Variants in ZNF223 observed in about 807,000 individuals in gnomAD.
ZNF223 encodes the protein Homo sapiens zinc finger protein 223.
ZNF223 carries 9 observed loss-of-function variants against 12.3 expected under a neutral mutation model. That is an observed-to-expected ratio of 0.73 (90% confidence interval 0.44 to 1.28). ZNF223 has a LOEUF of 1.28. ZNF223 is among the 50% of genes most tolerant of loss of function. ZNF223 has a pLI of 0.00. For missense variants in ZNF223, 506 were observed against 579.0 expected (o/e 0.87, Z 1.29); for synonymous variants, 171 against 195.2 (o/e 0.88, Z 1.03).
At chr19:44,054,002 A>G (rs1976733658) in intron 1 of ZNF223, among the ~76,000 whole-genome samples, 3 of 152,166 alleles carry the variant, frequency 2.0e-5, no homozygotes, top group Admixed American at 2.0e-4. Flanking sequence ...TCAAGGCAGA[A>G]GAATTTTTCT....
Position 44,060,550 on chromosome 19 carries a change from G to A in ZNF223, c.111G>A (p.Met37Ile). Residue 37 changes from methionine to isoleucine, a missense_variant, in exon 3 of 5, where the codon ATG becomes ATA. By Grantham distance (10) the Met-to-Ile change is conservative (BLOSUM62 1). Transcript: ENST00000434772. ...AGAGGAAGCTGTATCGAGATGTGAT[G>A]CTGGAGAACTTCAGGAACCTGCTGT... The part of the protein sequence containing the change: ...LAQRKLYRDV[M>I]LENFRNLLSV... The A allele has an allele frequency of 6.2e-7, 1 of 1,614,136 alleles. No homozygotes were observed. The highest frequency in any genetic ancestry group is 1.1e-5 in the South Asian group (1 of 91,084).
At chr19:44,062,088 A>G (rs1031032660) in intron 4 of ZNF223, among the ~76,000 whole-genome samples, 1 of 152,218 alleles carries the variant, frequency 6.6e-6, no homozygotes, top group Non-Finnish European at 1.5e-5. Flanking sequence ...AATATTTGGT[A>G]TCCTGATGAA....
chr19:44,060,967 C>T, intron 4 of ZNF223, 126 bp downstream of exon 4: 2 of 973,298 alleles, frequency 2.1e-6, no homozygotes, highest in East Asian at 2.5e-5. Context: ...AACCTCCTTC[C>T]AGCTAGTGGC....
At position 44,055,839 on chromosome 19, in the gene ZNF223, C is replaced by T. The variant is rs541243415; in HGVS notation, c.15+648C>T. Among the ~76,000 whole-genome samples the T allele has an allele frequency of 2.6e-5, 4 of 152,272 alleles. No individual in the cohort carries two copies. In the East Asian group the frequency reaches 5.8e-4, roughly 22 times the overall value. On this transcript the variant is annotated intron_variant, in intron 2 of 4. Coordinates refer to ENST00000434772, the MANE Select transcript of ZNF223 (RefSeq NM_013361.6). ...GGCCAGTCACTTGTGTACTGTCACT[C>T]ATTTACTTCTCAAAGCAGCAGAATG...
chr19:44,061,732 T>C (rs1447759725), intron 4 of ZNF223, among the ~76,000 whole-genome samples: 1 of 152,244 alleles, frequency 6.6e-6, no homozygotes, highest in East Asian at 1.9e-4. Flanking sequence ...TGGACATCTT[T>C]CAGGAACAAT....
At position 44,066,586 on chromosome 19, in the gene ZNF223, T is replaced by G. The variant is rs1278362361; in HGVS notation, c.758T>G (p.Leu253Ter). The change falls in exon 5 of 5, where the codon TTA becomes TGA. Residue 253 changes from leucine to a stop codon, truncating the protein, a stop_gained. Transcript: ENST00000434772. LOFTEE classifies it low-confidence loss of function (END_TRUNC). Reference sequence around the variant, plus strand: ...TCAGCACTTACAGTTCATTGCAAATTACACATGGGAGAGAAACATTATAAT... The same window carrying G: ...TCAGCACTTACAGTTCATTGCAAATGACACATGGGAGAGAAACATTATAAT... The part of the protein sequence containing the change: ...CRSALTVHCK[L>*]HMGEKHYNCE... 1 of 1,614,102 alleles carries G rather than the reference T, an allele frequency of 6.2e-7. No individual in the cohort carries two copies. Among genetic ancestry groups the G allele is most frequent in the Admixed American group, 1.7e-5 (1 of 60,002 alleles).
rs1976940206 is a variant in ZNF223, at chr19:44,067,649, C to G, written c.*372C>G. 2.5e-6 allele frequency: 1 copy of G among 404,202 alleles called. No homozygotes were observed. Among genetic ancestry groups the G allele is most frequent in the African/African-American group, 2.1e-5 (1 of 48,528 alleles). The allele number at this position is 404,202 out of a possible 1,614,324, so 25.0% of individuals were successfully genotyped here. On this transcript the variant is annotated 3_prime_UTR_variant, in exon 5 of 5. Transcript: ENST00000434772. ...GACAGTTTGAAGTTAGTGTTTCAGC[C>G]ATAGCTCAGCATACCCCAGTGGTCG...
intron 4 of ZNF223, among the ~76,000 whole-genome samples, chr19:44,062,834 C>T (rs1976859443): frequency 6.6e-6 from 1 of 152,240 alleles, no homozygotes; most frequent in African/African-American, 2.4e-5. Context: ...CCACACTTCA[C>T]TGCCTCCAGT....
At position 44,060,519 on chromosome 19, in the gene ZNF223, T is replaced by C; in HGVS notation, c.80T>C (p.Leu27Pro). 1 of 1,614,160 alleles carries C rather than the reference T, an allele frequency of 6.2e-7. No individual in the cohort carries two copies. The highest frequency in any genetic ancestry group is 8.5e-7 in the Non-Finnish European group (1 of 1,180,010). Residue 27 changes from leucine to proline, a missense_variant, in exon 3 of 5, where the codon CTT becomes CCT. Leu to Pro is a moderately conservative substitution (Grantham distance 98, BLOSUM62 -3). Coordinates refer to ENST00000434772, the MANE Select transcript of ZNF223 (RefSeq NM_013361.6). ...GAGGAGGAGCTGGGGCTGCTGGACCTTGCCCAGAGGAAGCTGTATCGAGAT... is the reference window on the plus strand; with the variant it reads ...GAGGAGGAGCTGGGGCTGCTGGACCCTGCCCAGAGGAAGCTGTATCGAGAT... ...FTEEELGLLD[L>P]AQRKLYRDVM...
intron 2 of ZNF223, among the ~76,000 whole-genome samples, chr19:44,056,566 T>G (rs1157803970): frequency 7.0e-6 from 1 of 142,602 alleles, no homozygotes; most frequent in African/African-American, 2.6e-5. Flanking sequence ...TTCCTCCTTA[T>G]GGCATAAAAT....
At chr19:44,064,374 A>C (rs929737798) in intron 4 of ZNF223, among the ~76,000 whole-genome samples, 20 of 152,208 alleles carry the variant, frequency 1.3e-4, no homozygotes, top group African/African-American at 4.6e-4. Context: ...CTGGAAGGAC[A>C]GCCTTTCAGA....
At chr19:44,061,842 T>C (rs1976843049) in intron 4 of ZNF223, among the ~76,000 whole-genome samples, 1 of 152,158 alleles carries the variant, frequency 6.6e-6, no homozygotes, top group African/African-American at 2.4e-5. Context: ...CCCCCTCTGT[T>C]AGTTTATGCA....
At chr19:44,056,361 CAA>C (rs1227362311) in intron 2 of ZNF223, among the ~76,000 whole-genome samples, 5,083 of 78,836 alleles carry the variant, frequency 0.064, 392 homozygotes, top group African/African-American at 0.22. Flanking sequence ...ACTAAAAATA[CAA>C]AAAAAAAAAA....
intron 1 of ZNF223, among the ~76,000 whole-genome samples, chr19:44,052,555 G>C (rs912657388): frequency 2.0e-5 from 3 of 152,142 alleles, no homozygotes; most frequent in Non-Finnish European, 4.4e-5. Context: ...ATTTTAAAAC[G>C]TTTGATATCA....
rs1460145259 is a variant in ZNF223 at position 44,066,196 on chromosome 19, A to C, written c.368A>C (p.Gln123Pro). ...RPQDSTIKSSQFFEQGDAHSQ... is the reference protein window; with the variant it reads ...RPQDSTIKSSPFFEQGDAHSQ... ...CAAGACTCTACCATAAAGAGCTCTC[A>C]GTTCTTTGAACAGGGTGATGCCCAC... The change falls in exon 5 of 5, where the codon CAG (glutamine) becomes CCG (proline). Residue 123 changes from glutamine (Q) to proline (P), a missense_variant. Gln to Pro is a moderately conservative substitution (Grantham distance 76). Transcript: ENST00000434772. 1 of 1,614,214 alleles carries C rather than the reference A, an allele frequency of 6.2e-7. No homozygotes were observed. The highest frequency in any genetic ancestry group is 8.5e-7 in the Non-Finnish European group (1 of 1,180,022).
rs778384237 is a variant in ZNF223, at chr19:44,067,277, A to T, written c.1449A>T (p.Ter483TyrextTer39). The change falls in exon 5 of 5, where the codon TAA (stop) becomes TAT (tyrosine). Residue 483 changes from the stop codon to tyrosine, a stop_lost. Transcript: ENST00000434772. ...TATCATTATTTTTAAATGACACGTAAGTGTTGTACATATTTATGGGGTACA... is the reference window on the plus strand; with the variant it reads ...TATCATTATTTTTAAATGACACGTATGTGTTGTACATATTTATGGGGTACA... ...IILSLFLNDT[*>Y] The T allele has an allele frequency of 1.2e-6, 2 of 1,605,548 alleles. No individual in the cohort carries two copies. Among genetic ancestry groups the T allele is most frequent in the South Asian group, 2.2e-5 (2 of 89,976 alleles).
chr19:44,055,994 T>A (rs1976758043), intron 2 of ZNF223, among the ~76,000 whole-genome samples: 1 of 151,968 alleles, frequency 6.6e-6, no homozygotes, highest in Non-Finnish European at 1.5e-5. Flanking sequence ...GAAAGAAAAA[T>A]TCTCCACTGA....
chr19:44,060,279 A>G (rs1568513424), intron 2 of ZNF223, 176 bp from the exon 3 acceptor site: 3 of 1,110,090 alleles, frequency 2.7e-6, no homozygotes, highest in East Asian at 2.6e-5. Flanking sequence ...GCTTGGGACA[A>G]TCAAGGTGTG....
intron 2 of ZNF223, among the ~76,000 whole-genome samples, chr19:44,059,708 TCCC>T (rs1976811983): frequency 6.6e-6 from 1 of 152,174 alleles, no homozygotes; most frequent in African/African-American, 2.4e-5. Flanking sequence ...AGACATCCAT[TCCC>T]CTGGTTGTTT....
Sources: gnomAD v4.1 joint callset for allele counts (sites outside exome capture counted in the v4.1 genomes callset) on GRCh38, gnomAD v4.1.1 for gene constraint, MANE v1.5 for transcripts, NCBI Gene and HGNC (gene_info 2026-07-23, HGNC 2026-07-21) for gene names.